The following DPP10 variants were observed in gnomAD, a reference collection of about 807,000 sequenced individuals.
The protein encoded by DPP10 is dipeptidyl peptidase like 10.
Under a neutral mutation model 120.9 loss-of-function variants are expected in DPP10, and 33 were observed. The observed-to-expected ratio is 0.27, with a 90% CI of 0.21 to 0.37. The LOEUF (loss-of-function observed/expected upper bound fraction) is 0.37. Among genes scored for constraint, DPP10 ranks in the 10% least tolerant of loss-of-function variants. DPP10 has a pLI of 1.00. For synonymous variants in DPP10, 337 were observed against 326.1 expected (o/e 1.03, Z -0.36); for missense variants, 816 against 942.8 (o/e 0.87, Z 1.76).
At chr2:114,948,154 T>C (rs1697506150) in intron 1 of DPP10, among the ~76,000 whole-genome samples, 1 of 152,126 alleles carries the variant, frequency 6.6e-6, no homozygotes, top group Non-Finnish European at 1.5e-5. Context: ...CCAGTTGCAT[T>C]CTGGGAGCGT....
chr2:114,682,770 G>GTCTATCTATCTA (rs72471562), intron 1 of DPP10, among the ~76,000 whole-genome samples: 32 of 149,488 alleles, frequency 2.1e-4, no homozygotes, highest in East Asian at 4.0e-4. Context: ...CTATCTGTCT[G>GTCTATCTATCTA]TCTATCTATC....
At chr2:115,479,550 G>T (rs2075300994) in intron 3 of DPP10, among the ~76,000 whole-genome samples, 1 of 152,010 alleles carries the variant, frequency 6.6e-6, no homozygotes, top group African/African-American at 2.4e-5. Flanking sequence ...AAAATGGTTA[G>T]TATGGTATAT....
chr2:114,446,545 G>A (rs548282435), intron 1 of DPP10, among the ~76,000 whole-genome samples: 11 of 152,092 alleles, frequency 7.2e-5, no homozygotes, highest in African/African-American at 2.2e-4. Context: ...TACAAGACCT[G>A]CCTGATTTAT....
intron 1 of DPP10, among the ~76,000 whole-genome samples, chr2:114,865,634 T>C (rs1480884249): frequency 6.6e-6 from 1 of 152,148 alleles, no homozygotes; most frequent in African/African-American, 2.4e-5. Context: ...AAATAGCGAT[T>C]CTATTTGGCT....
chr2:114,707,619 G>A (rs1421159149), intron 1 of DPP10, among the ~76,000 whole-genome samples: 3 of 152,164 alleles, frequency 2.0e-5, no homozygotes, highest in Non-Finnish European at 4.4e-5. Context: ...CCACTAAAAA[G>A]TGAGTCATGA....
intron 5 of DPP10, among the ~76,000 whole-genome samples, chr2:115,599,347 C>T (rs954020244): frequency 2.6e-5 from 4 of 152,030 alleles, no homozygotes; most frequent in African/African-American, 9.7e-5. Context: ...TTCTTAGGCC[C>T]TGTTAGGTTG....
chr2:115,634,068 G>C (rs1332934219), intron 5 of DPP10, among the ~76,000 whole-genome samples: 1 of 151,812 alleles, frequency 6.6e-6, no homozygotes, highest in African/African-American at 2.4e-5. Context: ...TCCTCTGCTT[G>C]ATCTCTTCAG....
At chr2:115,300,923 T>C (rs1252167945) in intron 1 of DPP10, among the ~76,000 whole-genome samples, 8 of 151,968 alleles carry the variant, frequency 5.3e-5, no homozygotes, top group African/African-American at 1.9e-4. Flanking sequence ...TTGTTGAAAA[T>C]TGGGTGTCTG....
At chr2:115,688,016 T>G (rs2091098615) in intron 5 of DPP10, among the ~76,000 whole-genome samples, 1 of 143,494 alleles carries the variant, frequency 7.0e-6, no homozygotes, top group Admixed American at 6.9e-5. Context: ...CAGCAGAGCT[T>G]TCTGAGAGAG....
At chr2:114,933,598 T>C (rs1465386874) in intron 1 of DPP10, among the ~76,000 whole-genome samples, 23 of 152,202 alleles carry the variant, frequency 1.5e-4, no homozygotes, top group Non-Finnish European at 1.5e-5. Flanking sequence ...GTTGATTGAC[T>C]AAATTTGCAA....
intron 1 of DPP10, among the ~76,000 whole-genome samples, chr2:114,595,107 C>T (rs17048496): frequency 0.15 from 22,264 of 152,032 alleles, 1,989 homozygotes; most frequent in African/African-American, 0.25. Flanking sequence ...ATTTGTTTTT[C>T]CCTGACATGT....
rs775695508 is a variant in DPP10, at chr2:115,777,306, G to A, written c.1313+7G>A. ...ATGAAACTACTCAAAAAATGTGAGTGTTTTCAGTTCTCTAGTCAGGCTGCA... is the reference window on the plus strand; with the variant it reads ...ATGAAACTACTCAAAAAATGTGAGTATTTTCAGTTCTCTAGTCAGGCTGCA... On this transcript the variant is annotated splice_region_variant and intron_variant, in intron 14 of 25. Transcript: ENST00000410059. 1 of 1,608,770 alleles carries A rather than the reference G, an allele frequency of 6.2e-7. No individual in the cohort carries two copies. Among genetic ancestry groups the A allele is most frequent in the East Asian group, 2.2e-5 (1 of 44,808 alleles).
chr2:114,992,524 T>G (rs577100300), intron 1 of DPP10, among the ~76,000 whole-genome samples: 1 of 152,300 alleles, frequency 6.6e-6, no homozygotes, highest in East Asian at 1.9e-4. Flanking sequence ...CAGTCCTTTT[T>G]GGGGTTATGT....
At chr2:115,382,912 C>T (rs987816205) in intron 3 of DPP10, among the ~76,000 whole-genome samples, 11 of 152,266 alleles carry the variant, frequency 7.2e-5, no homozygotes, top group Middle Eastern at 3.4e-3. Flanking sequence ...AGTCAGAGAA[C>T]GCTGGGGTCT....
In DPP10 at chr2:115,496,740, C is replaced by T. The variant is rs552100503; in HGVS notation, c.272-2770C>T. 9.2e-5 allele frequency among the ~76,000 whole-genome samples: 14 copies of T among 152,226 alleles called. No individual in the cohort carries two copies. The East Asian group carries it at 1.9e-3, about 21-fold the overall frequency. On this transcript the variant is annotated intron_variant, in intron 3 of 25. Transcript: ENST00000410059. ...ACTCACCCAATGATTTCTTCCTATC[C>T]ACTGCAAAAACCAGTTCACTGAGAC...
At chr2:114,966,491 C>G (rs1699041507) in intron 1 of DPP10, among the ~76,000 whole-genome samples, 1 of 152,194 alleles carries the variant, frequency 6.6e-6, no homozygotes, top group Non-Finnish European at 1.5e-5. Flanking sequence ...GCTCCCCTTC[C>G]TCTTTCTCCA....
intron 25 of DPP10, among the ~76,000 whole-genome samples, chr2:115,841,825 A>AACTCAATGCTCTTTAAAT (rs1458774626): frequency 6.6e-6 from 1 of 152,206 alleles, no homozygotes; most frequent in Non-Finnish European, 1.5e-5. Flanking sequence ...ACAAAGACTG[A>AACTCAATGCTCTTTAAAT]ACTCAATGCT....
intron 1 of DPP10, among the ~76,000 whole-genome samples, chr2:114,451,661 C>A (rs1678282146): frequency 6.6e-6 from 1 of 152,046 alleles, no homozygotes; most frequent in African/African-American, 2.4e-5. Context: ...GGGTGAGAAA[C>A]AAGGCTGCAA....
At chr2:114,720,892 G>A (rs765252788) in intron 1 of DPP10, among the ~76,000 whole-genome samples, 13 of 152,206 alleles carry the variant, frequency 8.5e-5, no homozygotes, top group Non-Finnish European at 1.6e-4. Flanking sequence ...ATTCTGAAAG[G>A]TACAGGTAGA....
Sources: allele counts gnomAD v4.1 joint callset (sites outside exome capture counted in the v4.1 genomes callset), GRCh38; gene constraint gnomAD v4.1.1; transcripts MANE v1.5; gene names NCBI Gene and HGNC (gene_info 2026-07-23, HGNC 2026-07-21).